Variants in MYO10 observed in about 807,000 individuals in gnomAD.
MYO10 encodes the protein unconventional myosin-X.
A neutral mutation model predicts 257.3 loss-of-function variants in MYO10; 133 were observed. That is an observed-to-expected ratio of 0.52 (90% CI 0.45 to 0.60). The LOEUF is 0.60. Ranked by LOEUF, MYO10 falls within the 20% of genes least tolerant of loss-of-function variation. The pLI is 0.00. For missense variants in MYO10, 2,399 were observed against 2,635.7 expected (o/e 0.91, Z 1.97); for synonymous variants, 1,104 against 1,028.6 (o/e 1.07, Z -1.40).
chr5:16,827,562 C>T (rs991232561), intron 2 of MYO10, among the ~76,000 whole-genome samples: 5 of 152,216 alleles, frequency 3.3e-5, no homozygotes, highest in Admixed American at 1.3e-4. Flanking sequence ...GTTGGGATTA[C>T]AGGCGTGAGC....
At position 16,701,479 on chromosome 5, in the gene MYO10, A is replaced by G; in HGVS notation, c.2916T>C (p.Ala972=). ...SVGSEFSSEL[A]ESACEEKPNF... is the part of the protein sequence containing the mutation. The stretch of plus-strand genomic sequence containing the variant: ...TGGGCTTCTCCTCGCATGCGCTCTC[A>G]GCCAGCTCGCTGGAAAATTCGCTTC... Residue 972 remains alanine (A), a synonymous_variant, in exon 25 of 41, where the codon GCT becomes GCC. Transcript: ENST00000513610. The surrounding 1 kb of genome is among the most constrained non-coding windows in gnomAD (Gnocchi z 8.1). 1 of 1,613,908 alleles carries G rather than the reference A, an allele frequency of 6.2e-7. No individual in the cohort carries two copies. Among genetic ancestry groups the G allele is most frequent in the South Asian group, 1.1e-5 (1 of 91,084 alleles).
At chr5:16,886,316 G>C (rs114703445) in intron 1 of MYO10, among the ~76,000 whole-genome samples, 1 of 152,124 alleles carries the variant, frequency 6.6e-6, no homozygotes, top group African/African-American at 2.4e-5. Context: ...TGAGAGTCCC[G>C]AGTTTGTAAT....
intron 5 of MYO10, among the ~76,000 whole-genome samples, chr5:16,782,162 A>G (rs1741443181): frequency 2.0e-5 from 3 of 152,088 alleles, no homozygotes; most frequent in Admixed American, 2.0e-4. Flanking sequence ...AATTCTAGAA[A>G]CTGAAGAAGT....
chr5:16,769,273 A>G (rs1171511951), intron 9 of MYO10, 70 bp from the exon 10 acceptor site: 5 of 1,423,744 alleles, frequency 3.5e-6, no homozygotes, highest in Non-Finnish European at 4.7e-6. Flanking sequence ...AATATCCCTG[A>G]TAATATAAAA....
Position 16,689,944 on chromosome 5 carries a change from C to T in MYO10, c.3801-25G>A, listed in dbSNP as rs182854593. 472 of 1,529,006 alleles carry T rather than the reference C, an allele frequency of 3.1e-4. 2 individuals are homozygous for T. Among genetic ancestry groups the T allele is most frequent in the Middle Eastern group, 2.0e-3 (12 of 5,914 alleles). 94.7% of individuals were successfully genotyped at this position (1,529,006 alleles called of 1,614,324 possible). On this transcript the variant is annotated intron_variant, in intron 27 of 40. Coordinates refer to ENST00000513610, the MANE Select transcript of MYO10 (RefSeq NM_012334.3). ...TCTGCAAAGAAGCAAAAGCAACAAA[C>T]GCACATCAGGAACACCAAATTCTGA... is the stretch of plus-strand genomic sequence containing the variant.
At chr5:16,919,406 T>C (rs1677626163) in intron 1 of MYO10, among the ~76,000 whole-genome samples, 1 of 151,842 alleles carries the variant, frequency 6.6e-6, no homozygotes, top group African/African-American at 2.4e-5. Flanking sequence ...TAAACAAAAA[T>C]CTACCAGAAC....
chr5:16,887,220 C>T (rs1193204640), intron 1 of MYO10, among the ~76,000 whole-genome samples: 2 of 152,090 alleles, frequency 1.3e-5, no homozygotes, highest in African/African-American at 4.8e-5. Context: ...CAGCTTTCAT[C>T]CAGAGGATAA....
chr5:16,694,952 T>C (rs966668053), intron 26 of MYO10, among the ~76,000 whole-genome samples: 2 of 152,228 alleles, frequency 1.3e-5, no homozygotes, highest in African/African-American at 2.4e-5. Context: ...GTGAGAACCA[T>C]GTCCCTATGT....
rs747531052 is a variant in MYO10 at position 16,761,497 on chromosome 5, C to A, written c.1706G>T (p.Arg569Leu). Reference protein sequence around the residue: ...GILEKNRDTFRDDLLNLLRES... With the variant: ...GILEKNRDTFLDDLLNLLRES... ...TCTTAGCAAATTGAGAAGGTCATCT[C>A]GAAATGTATCTCTGTTCTTCTCCAA... Residue 569 changes from arginine to leucine, a missense_variant, in exon 17 of 41, where the codon CGA becomes CTA. By Grantham distance (102) the Arg-to-Leu change is moderately radical. Around this residue, in one of 3 missense-constraint regions of MYO10, gnomAD observed 1,820 missense variants for 1,939.4 expected, o/e 0.94. Transcript: ENST00000513610. 3.8e-5 allele frequency: 62 copies of A among 1,613,022 alleles called. No homozygotes were observed. Among genetic ancestry groups the A allele is most frequent in the Non-Finnish European group, 5.1e-5 (60 of 1,179,634 alleles).
intron 1 of MYO10, among the ~76,000 whole-genome samples, chr5:16,882,432 T>C (rs927274486): frequency 6.6e-6 from 1 of 151,388 alleles, no homozygotes; most frequent in African/African-American, 2.4e-5. Context: ...CAAAAAAAAA[T>C]TTTTTTAAGT....
chr5:16,923,111 T>C (rs900284162), intron 1 of MYO10, among the ~76,000 whole-genome samples: 1 of 152,132 alleles, frequency 6.6e-6, no homozygotes, highest in South Asian at 2.1e-4. Flanking sequence ...AGTTGTCCAG[T>C]TTCAACGAGA....
chr5:16,896,026 C>T (rs1745208865), intron 1 of MYO10, among the ~76,000 whole-genome samples: 1 of 152,216 alleles, frequency 6.6e-6, no homozygotes, highest in South Asian at 2.1e-4. Context: ...TCCGCCTCAA[C>T]ACTCCTGGCC....
At chr5:16,844,357 G>T (rs1400348674) in intron 2 of MYO10, among the ~76,000 whole-genome samples, 2 of 152,042 alleles carry the variant, frequency 1.3e-5, no homozygotes, top group Non-Finnish European at 2.9e-5. Context: ...GATCTTTAAT[G>T]ATGTCAATAT....
chr5:16,752,978 A>G (rs1169099291), intron 19 of MYO10, among the ~76,000 whole-genome samples: 2 of 152,194 alleles, frequency 1.3e-5, no homozygotes, highest in Non-Finnish European at 2.9e-5. Context: ...TCATGCACAT[A>G]AAGTCAGCAC....
At chr5:16,724,126 A>C (rs1739262772) in intron 19 of MYO10, among the ~76,000 whole-genome samples, 4 of 152,212 alleles carry the variant, frequency 2.6e-5, no homozygotes, top group Admixed American at 2.6e-4. Context: ...AGAGAATCTA[A>C]ATGAATCGAC....
At chr5:16,704,794 G>T in intron 21 of MYO10, 109 bp from the exon 22 acceptor site, 1 of 793,612 alleles carries the variant, frequency 1.3e-6, no homozygotes, top group Non-Finnish European at 2.1e-6. Context: ...CTCTTAGTTT[G>T]ATCCACCACA....
intron 1 of MYO10, among the ~76,000 whole-genome samples, chr5:16,919,894 C>T (rs1745933379): frequency 1.3e-5 from 2 of 152,004 alleles, no homozygotes; most frequent in South Asian, 2.1e-4. Flanking sequence ...GGGTGGATCA[C>T]GAGGTCAAGA....
chr5:16,734,761 C>T (rs563885577), intron 19 of MYO10, among the ~76,000 whole-genome samples: 14 of 151,300 alleles, frequency 9.3e-5, no homozygotes, highest in African/African-American at 1.9e-4. Context: ...GCTGAGACTG[C>T]GCCATTGCAC....
intron 19 of MYO10, chr5:16,742,073 A>G (rs367795422): frequency 8.1e-6 from 8 of 985,446 alleles, no homozygotes; most frequent in East Asian, 1.1e-4. Flanking sequence ...TCATGCACGC[A>G]TCAACAAATG....
Sources: allele counts gnomAD v4.1 joint callset (sites outside exome capture counted in the v4.1 genomes callset), GRCh38; gene constraint gnomAD v4.1.1; regional missense constraint gnomAD v4.1.1; non-coding constraint Gnocchi (gnomAD v3.1); transcripts MANE v1.5; gene names NCBI Gene and HGNC (gene_info 2026-07-23, HGNC 2026-07-21).